FARP2: variants seen among roughly 807,000 people sequenced by gnomAD.
FARP2 encodes FERM, ARH/RhoGEF and pleckstrin domain protein 2, also known as FERM, ARHGEF and pleckstrin domain-containing protein 2.
FARP2 carries 111 observed loss-of-function variants against 130.5 expected under a neutral mutation model. The observed-to-expected ratio is 0.85, with a 90% CI of 0.73 to 1.00. The LOEUF (loss-of-function observed/expected upper bound fraction) is 1.00, where lower values mean the gene tolerates loss of function less well. Among genes scored for constraint, FARP2 ranks in the 50% least tolerant of loss-of-function variants. FARP2 has a pLI of 0.00. For synonymous variants in FARP2, 504 were observed against 516.9 expected (o/e 0.98, Z 0.34); for missense variants, 1,385 against 1,346.3 (o/e 1.03, Z -0.45).
In FARP2 at chr2:241,413,301, T is replaced by C; in HGVS notation, c.509-6T>C. 6.3e-7 allele frequency: 1 copy of C among 1,582,032 alleles called. No homozygotes were observed. The highest frequency in any genetic ancestry group is 2.2e-5 in the East Asian group (1 of 44,536). ...AAATTAGTTACTTACTTTTAACCTA[T>C]CTCAGCGGAAATAGGAGATTACGAT... On this transcript the variant is annotated splice_region_variant and splice_polypyrimidine_tract_variant and intron_variant, in intron 6 of 26. Transcript: ENST00000264042.
At chr2:241,391,899 G>C (rs147871582) in intron 2 of FARP2, among the ~76,000 whole-genome samples, 1 of 152,196 alleles carries the variant, frequency 6.6e-6, no homozygotes, top group Admixed American at 6.5e-5. Context: ...AATTTGAACA[G>C]GGAAATTTAA....
rs1282610926 is a variant in FARP2, at chr2:241,490,152, A to T, written c.2504+108A>T. The stretch of plus-strand genomic sequence containing the variant: ...GAGCTGTGAGGAGCCATGTAGCCTC[A>T]TGGGGTTGTGCCCCCTTTGACTCTG... On this transcript the variant is annotated intron_variant, in intron 22 of 26. Coordinates refer to ENST00000264042, the MANE Select transcript of FARP2 (RefSeq NM_014808.4). 7 of 781,396 alleles carry T rather than the reference A, an allele frequency of 9.0e-6. No individual in the cohort carries two copies. The East Asian group carries it at 1.3e-4, about 14-fold the overall frequency. The allele number at this position is 781,396 out of a possible 1,614,324, so 48.4% of individuals were successfully genotyped here.
intron 15 of FARP2, 72 bp downstream of exon 15, chr2:241,462,684 TTTTTTTTC>T (rs1491541924): frequency 6.7e-6 from 7 of 1,048,826 alleles, no homozygotes; most frequent in African/African-American, 3.2e-5. Context: ...GAAATATCTC[TTTTTTTTC>T]TTTTTTTCTT....
intron 2 of FARP2, among the ~76,000 whole-genome samples, chr2:241,390,452 C>A (rs1327006903): frequency 6.6e-6 from 1 of 152,170 alleles, no homozygotes; most frequent in East Asian, 1.9e-4. Flanking sequence ...TTTCTTTCAT[C>A]ATTTTTATCT....
chr2:241,368,032 A>T (rs868577487), intron 1 of FARP2, among the ~76,000 whole-genome samples: 1 of 151,398 alleles, frequency 6.6e-6, no homozygotes. Context: ...ATTTGTTACA[A>T]ACCTACTCAG....
intron 20 of FARP2, 141 bp from the exon 21 acceptor site, chr2:241,484,100 TA>T: frequency 1.4e-6 from 2 of 1,445,748 alleles, no homozygotes; most frequent in Non-Finnish European, 1.8e-6. Flanking sequence ...AATGAATGAA[TA>T]AAAGTCCCCT....
chr2:241,382,602 C>A (rs1166954280), intron 2 of FARP2, among the ~76,000 whole-genome samples: 1 of 152,166 alleles, frequency 6.6e-6, no homozygotes, highest in Non-Finnish European at 1.5e-5. Context: ...TCTTTATACA[C>A]ATTTTTTATT....
In FARP2 at chr2:241,384,320, T is replaced by C. The variant is rs183072886; in HGVS notation, c.183+11030T>C. Among the ~76,000 whole-genome samples the C allele has an allele frequency of 4.6e-5, 7 of 152,308 alleles. No individual in the cohort carries two copies. The East Asian group carries it at 1.2e-3, about 25-fold the overall frequency. On this transcript the variant is annotated intron_variant, in intron 2 of 26. Transcript: ENST00000264042. ...GCTTTACATGTACAGTTTTGCACTTTATATAGCAGCAGCTTTTTGCCACAG... is the reference window on the plus strand; with the variant it reads ...GCTTTACATGTACAGTTTTGCACTTCATATAGCAGCAGCTTTTTGCCACAG...
In FARP2 at chr2:241,463,423, TCC is replaced by T. The variant is rs1301651230; in HGVS notation, c.1767_1768del (p.Phe589LeufsTer52). ...TCCAACATCGATCCCATCTATGAGT[TCC>T]ACAGAGGCTTCCTGCGCGAGGTGGA... On this transcript the variant is annotated frameshift_variant, in exon 16 of 27. Coordinates refer to ENST00000264042, the MANE Select transcript of FARP2 (RefSeq NM_014808.4). LOFTEE classifies it high-confidence loss of function. 1 of 1,614,096 alleles carries T rather than the reference TCC, an allele frequency of 6.2e-7. No individual in the cohort carries two copies. Among genetic ancestry groups the T allele is most frequent in the Non-Finnish European group, 8.5e-7 (1 of 1,180,030 alleles).
At chr2:241,463,263 G>A (rs1174761598) in intron 15 of FARP2, 72 bp from the exon 16 acceptor site, 9 of 1,548,492 alleles carry the variant, frequency 5.8e-6, no homozygotes, top group Non-Finnish European at 7.0e-6. Flanking sequence ...TATGGCTACA[G>A]GCCCTCAGGG....
intron 2 of FARP2, among the ~76,000 whole-genome samples, chr2:241,391,415 A>G (rs2061901313): frequency 6.6e-6 from 1 of 152,160 alleles, no homozygotes; most frequent in South Asian, 2.1e-4. Flanking sequence ...GCCCTTGCCC[A>G]GGTGGAAGAC....
intron 14 of FARP2, among the ~76,000 whole-genome samples, chr2:241,458,649 G>A (rs2063930860): frequency 6.6e-6 from 1 of 151,862 alleles, no homozygotes; most frequent in African/African-American, 2.4e-5. Flanking sequence ...GAAACCTAAT[G>A]ACAATCTCTT....
At chr2:241,427,428 G>A (rs2062970176) in intron 8 of FARP2, among the ~76,000 whole-genome samples, 1 of 152,122 alleles carries the variant, frequency 6.6e-6, no homozygotes, top group South Asian at 2.1e-4. Context: ...GAAGGTCAAG[G>A]CAAGAGAATC....
rs779537494 is a variant in FARP2, at chr2:241,484,313, T to G, written c.2403T>G (p.Leu801=). The G allele has an allele frequency of 1.4e-5, 23 of 1,613,930 alleles. No homozygotes were observed. The highest frequency in any genetic ancestry group is 1.8e-5 in the Non-Finnish European group (21 of 1,179,922). The part of the protein sequence containing the change: ...GTSHFRIRGL[L]PLQGMLVEES... ...GCCACTTCCGGATCCGGGGCCTCCT[T>G]CCCCTCCAAGGCATGCTGGTGAGTG... The change falls in exon 21 of 27, where the codon CTT becomes CTG. Residue 801 remains leucine, a synonymous_variant. Transcript: ENST00000264042.
At chr2:241,491,734 G>A (rs1399751403) in intron 24 of FARP2, 55 bp downstream of exon 24, 12 of 1,517,972 alleles carry the variant, frequency 7.9e-6, no homozygotes, top group Non-Finnish European at 9.7e-6. Context: ...AGCTGTCTCT[G>A]CACTTGGCTG....
chr2:241,398,821 G>A (rs533609938), intron 2 of FARP2, among the ~76,000 whole-genome samples: 8 of 152,212 alleles, frequency 5.3e-5, no homozygotes, highest in African/African-American at 7.2e-5. Context: ...TGCCTGCCTC[G>A]GCTTCCCAAA....
intron 1 of FARP2, among the ~76,000 whole-genome samples, chr2:241,360,975 C>T (rs1159179517): frequency 6.7e-6 from 1 of 149,686 alleles, no homozygotes; most frequent in Non-Finnish European, 1.5e-5. Flanking sequence ...GTTGGTGTCC[C>T]AGAAAAACAG....
rs746413738 is a variant in FARP2, at chr2:241,411,077, G to A, written c.455G>A (p.Arg152His). The change falls in exon 6 of 27, where the codon CGT becomes CAT. Residue 152 changes from arginine to histidine, a missense_variant. Arg to His is a conservative substitution (Grantham distance 29). Coordinates refer to ENST00000264042, the MANE Select transcript of FARP2 (RefSeq NM_014808.4). Reference sequence around the variant, plus strand: ...CTTAAGAGAGACCTGCTGGAAGAGCGTTTGACCTGTGCTGACACCACAGCG... The same window carrying A: ...CTTAAGAGAGACCTGCTGGAAGAGCATTTGACCTGTGCTGACACCACAGCG... ...LQLKRDLLEE[R>H]LTCADTTAAL... 37 of 1,612,470 alleles carry A rather than the reference G, an allele frequency of 2.3e-5. No homozygotes were observed. The highest frequency in any genetic ancestry group is 5.3e-5 in the African/African-American group (4 of 74,912).
chr2:241,460,447 C>G (rs986932670), intron 14 of FARP2, among the ~76,000 whole-genome samples: 1 of 145,844 alleles, frequency 6.9e-6, no homozygotes, highest in East Asian at 2.0e-4. Context: ...CTTGGCTAAC[C>G]TTTTTTTTTT....
Sources: allele counts gnomAD v4.1 joint callset (sites outside exome capture counted in the v4.1 genomes callset), GRCh38; gene constraint gnomAD v4.1.1; transcripts MANE v1.5; gene names NCBI Gene and HGNC (gene_info 2026-07-23, HGNC 2026-07-21).